The following UGT1A8 variants were observed in gnomAD, a reference collection of about 807,000 sequenced individuals.
The protein encoded by UGT1A8 is UDP-glucuronosyltransferase 1A8.
Under a neutral mutation model 45.3 loss-of-function variants are expected in UGT1A8, and 39 were observed. The observed-to-expected ratio is 0.86, with a 90% confidence interval of 0.67 to 1.12. The LOEUF is 1.12. Ranked by LOEUF, UGT1A8 falls within the 50% of genes most tolerant of loss-of-function variation. The pLI is 0.00. For missense variants in UGT1A8, 719 were observed against 664.9 expected (o/e 1.08, Z -0.90); for synonymous variants, 275 against 249.2 (o/e 1.10, Z -0.97).
chr2:233,754,674 C>G (rs1158611461), intron 1 of UGT1A8: 5 of 470,208 alleles, frequency 1.1e-5, no homozygotes. Context: ...GATTTTTTTA[C>G]CATCAACTAT....
chr2:233,681,941 G>C, intron 1 of UGT1A8: 1 of 1,612,190 alleles, frequency 6.2e-7, no homozygotes, highest in Non-Finnish European at 8.5e-7. Flanking sequence ...TTCTCTGATG[G>C]CTCGTGCAGG....
At chr2:233,641,974 C>T (rs2073465347) in intron 1 of UGT1A8, among the ~76,000 whole-genome samples, 1 of 151,984 alleles carries the variant, frequency 6.6e-6, no homozygotes, top group African/African-American at 2.4e-5. Context: ...TATTAAATGC[C>T]TTGAGGTAGT....
chr2:233,621,224 A>G (rs1236672120), intron 1 of UGT1A8, among the ~76,000 whole-genome samples: 5 of 152,214 alleles, frequency 3.3e-5, no homozygotes, highest in African/African-American at 1.2e-4. Flanking sequence ...ACATTTCAGT[A>G]TTCCAATGTG....
intron 1 of UGT1A8, among the ~76,000 whole-genome samples, chr2:233,748,968 G>A (rs1280348078): frequency 6.6e-6 from 1 of 151,594 alleles, no homozygotes; most frequent in Admixed American, 6.6e-5. Flanking sequence ...TTTCTATAGT[G>A]GGATCTACTT....
At chr2:233,635,361 G>C (rs2073262695) in intron 1 of UGT1A8, among the ~76,000 whole-genome samples, 1 of 150,706 alleles carries the variant, frequency 6.6e-6, no homozygotes, top group African/African-American at 2.5e-5. Context: ...TTGCTAGGCT[G>C]GGGAAGTTCT....
In UGT1A8 at chr2:233,772,560, G is replaced by A. The variant is rs773424672; in HGVS notation, c.*1G>A. On this transcript the variant is annotated 3_prime_UTR_variant, in exon 5 of 5. Coordinates refer to ENST00000373450, the MANE Select transcript of UGT1A8 (RefSeq NM_019076.5). Reference sequence around the variant, plus strand: ...AGCCCACAAATCCAAGACCCATTGAGAAGTGGGTGGGAAATAAGGTAAAAT... The same window carrying A: ...AGCCCACAAATCCAAGACCCATTGAAAAGTGGGTGGGAAATAAGGTAAAAT... 4 of 1,613,722 alleles carry A rather than the reference G, an allele frequency of 2.5e-6. No homozygotes were observed. The South Asian group carries it at 3.3e-5, about 13-fold the overall frequency.
intron 1 of UGT1A8, among the ~76,000 whole-genome samples, chr2:233,664,406 T>C (rs936716616): frequency 2.0e-5 from 3 of 152,180 alleles, no homozygotes; most frequent in Non-Finnish European, 4.4e-5. Context: ...TTGGTACCAA[T>C]TTTCTACCCT....
chr2:233,743,362 C>T (rs1294240310), intron 1 of UGT1A8: 4 of 1,036,752 alleles, frequency 3.9e-6, no homozygotes, highest in Non-Finnish European at 5.4e-6. Flanking sequence ...CTTGAAGCTG[C>T]CTGTCCCATC....
chr2:233,731,908 A>T (rs2078219373), intron 1 of UGT1A8, among the ~76,000 whole-genome samples: 1 of 152,202 alleles, frequency 6.6e-6, no homozygotes, highest in African/African-American at 2.4e-5. Flanking sequence ...CCAATGGTGT[A>T]AAAGTGTTCC....
intron 1 of UGT1A8, among the ~76,000 whole-genome samples, chr2:233,736,967 T>A (rs2078831080): frequency 6.6e-6 from 1 of 151,890 alleles, no homozygotes; most frequent in African/African-American, 2.4e-5. Context: ...TACTGGGAGG[T>A]GTTTCCCAGT....
chr2:233,754,397 T>G (rs1695471341), intron 1 of UGT1A8: 2 of 336,018 alleles, frequency 6.0e-6, no homozygotes, highest in African/African-American at 4.3e-5. Flanking sequence ...GTCCTATCCG[T>G]GCAGTCCCAA....
At chr2:233,647,446 T>G (rs1439722329) in intron 1 of UGT1A8, among the ~76,000 whole-genome samples, 1 of 152,210 alleles carries the variant, frequency 6.6e-6, no homozygotes, top group Non-Finnish European at 1.5e-5. Context: ...CGGACTAGAT[T>G]GTGAGAAATT....
intron 1 of UGT1A8, among the ~76,000 whole-genome samples, chr2:233,706,431 G>C (rs1375415239): frequency 6.6e-6 from 1 of 152,262 alleles, no homozygotes; most frequent in African/African-American, 2.4e-5. Context: ...TTCAGCCACA[G>C]ACTTGGTCAA....
chr2:233,643,993 C>T (rs779250131), intron 1 of UGT1A8, among the ~76,000 whole-genome samples: 28 of 152,124 alleles, frequency 1.8e-4, no homozygotes, highest in Admixed American at 6.5e-4. Flanking sequence ...CTTTTGGAGC[C>T]GCAAGCTGTG....
chr2:233,677,944 A>G (rs2074404252), intron 1 of UGT1A8, among the ~76,000 whole-genome samples: 1 of 152,244 alleles, frequency 6.6e-6, no homozygotes, highest in Non-Finnish European at 1.5e-5. Context: ...AGTGGCTTAG[A>G]TGAAGAAAAT....
At chr2:233,692,979 C>A in intron 1 of UGT1A8, 1 of 1,612,842 alleles carries the variant, frequency 6.2e-7, no homozygotes, top group Non-Finnish European at 8.5e-7. Context: ...CTCTTTATTA[C>A]CGTTGTTACT....
chr2:233,622,184 T>C (rs1313207069), intron 1 of UGT1A8, among the ~76,000 whole-genome samples: 1 of 151,764 alleles, frequency 6.6e-6, no homozygotes, highest in Non-Finnish European at 1.5e-5. Context: ...AGTGCTGCAA[T>C]AAACATACGT....
intron 1 of UGT1A8, among the ~76,000 whole-genome samples, chr2:233,640,423 C>A (rs796075766): frequency 2.0e-5 from 3 of 152,100 alleles, no homozygotes; most frequent in African/African-American, 7.2e-5. Context: ...ATTTGTTACA[C>A]GGCCACAATA....
At chr2:233,709,728 A>G (rs1036199930) in intron 1 of UGT1A8, among the ~76,000 whole-genome samples, 11 of 152,204 alleles carry the variant, frequency 7.2e-5, no homozygotes, top group African/African-American at 2.4e-4. Flanking sequence ...TATGTTTTCA[A>G]TTGATACTAC....
Sources: gnomAD v4.1 joint callset for allele counts (sites outside exome capture counted in the v4.1 genomes callset) on GRCh38, gnomAD v4.1.1 for gene constraint, MANE v1.5 for transcripts, NCBI Gene and HGNC (gene_info 2026-07-23, HGNC 2026-07-21) for gene names.